E2F3: variants seen among roughly 807,000 people sequenced by gnomAD.
E2F3 encodes E2F transcription factor 3.
In E2F3, 11 loss-of-function variants were observed where a neutral mutation model predicts 44.4. The observed-to-expected ratio is 0.25, with a 90% confidence interval of 0.16 to 0.41. E2F3 has a LOEUF of 0.41. E2F3 is among the 10% of genes least tolerant of loss of function. The pLI is 1.00. For synonymous variants in E2F3, 249 were observed against 253.0 expected (o/e 0.98, Z 0.15); for missense variants, 487 against 583.6 (o/e 0.83, Z 1.70).
intron 1 of E2F3, among the ~76,000 whole-genome samples, chr6:20,464,510 G>A (rs1462993134): frequency 6.6e-6 from 1 of 152,178 alleles, no homozygotes; most frequent in African/African-American, 2.4e-5. Flanking sequence ...GTTATTTCAG[G>A]TTTCAGGGTC....
chr6:20,404,278 A>T (rs991789311), intron 1 of E2F3, among the ~76,000 whole-genome samples: 1 of 151,948 alleles, frequency 6.6e-6, no homozygotes, highest in African/African-American at 2.4e-5. Flanking sequence ...CCTTTGAGAG[A>T]TGATTTAGGT....
Position 20,481,230 on chromosome 6 carries a change from C to T in E2F3, c.530C>T (p.Thr177Met), listed in dbSNP as rs1762215229. The part of the protein sequence containing the change: ...PKTPKSPSEK[T>M]RYDTSLGLLT... ...GCTCCAAAATCTCCCTCAGAAAAAA[C>T]GCGGTATGATACGTCTCTTGGTCTG... The change falls in exon 3 of 7, where the codon ACG becomes ATG. Residue 177 changes from threonine to methionine, a missense_variant. By Grantham distance (81) the Thr-to-Met change is moderately conservative. This residue lies in a region of E2F3 where 29 missense variants were observed against 85.9 expected (regional missense o/e 0.34). Transcript: ENST00000346618. The T allele has an allele frequency of 6.2e-7, 1 of 1,613,232 alleles. No homozygotes were observed. Among genetic ancestry groups the T allele is most frequent in the African/African-American group, 1.3e-5 (1 of 74,970 alleles).
chr6:20,422,996 G>A (rs13437301), intron 1 of E2F3, among the ~76,000 whole-genome samples: 43,400 of 152,118 alleles, frequency 0.29, 8,355 homozygotes, highest in African/African-American at 0.54. Flanking sequence ...CAAACCTTCA[G>A]TTTGTAAAAC....
chr6:20,403,374 G>T (rs1014536408), intron 1 of E2F3, among the ~76,000 whole-genome samples: 4 of 151,806 alleles, frequency 2.6e-5, no homozygotes, highest in African/African-American at 9.7e-5. Flanking sequence ...CTTCCTCGCC[G>T]GGCCCCGGGC....
Position 20,482,751 on chromosome 6 carries a change from TG to T in E2F3, c.726-8del, listed in dbSNP as rs759424327. On this transcript the variant is annotated splice_polypyrimidine_tract_variant and intron_variant, in intron 3 of 6. Coordinates refer to ENST00000346618, the MANE Select transcript of E2F3 (RefSeq NM_001949.5). ...TGAGTAGCCATGAAGAGTCTGTGTT[TG>T]GGTTTCTAGGGGCTGCAGTCTGTCT... The T allele has an allele frequency of 1.1e-5, 17 of 1,589,138 alleles. No homozygotes were observed. Among genetic ancestry groups the T allele is most frequent in the Middle Eastern group, 2.2e-4 (1 of 4,628 alleles).
At chr6:20,457,348 C>CTTTTTTTTTT (rs60238519) in intron 1 of E2F3, among the ~76,000 whole-genome samples, 4 of 109,472 alleles carry the variant, frequency 3.7e-5, no homozygotes, top group Non-Finnish European at 6.9e-5. Context: ...CTTATTTTTT[C>CTTTTTTTTTT]TTTTTTTTTT....
At chr6:20,403,894 G>C in intron 1 of E2F3, 1 of 1,097,282 alleles carries the variant, frequency 9.1e-7, no homozygotes, top group Non-Finnish European at 1.3e-6. Flanking sequence ...TCTGTTGGGG[G>C]CTGAAGCGGT....
intron 1 of E2F3, among the ~76,000 whole-genome samples, chr6:20,406,197 A>G (rs1369403571): frequency 6.6e-6 from 1 of 152,202 alleles, no homozygotes; most frequent in African/African-American, 2.4e-5. Context: ...TAAAAATATG[A>G]GTACTACCTT....
chr6:20,416,951 C>T (rs1487175864), intron 1 of E2F3, among the ~76,000 whole-genome samples: 6 of 152,136 alleles, frequency 3.9e-5, no homozygotes, highest in South Asian at 2.1e-4. Flanking sequence ...CCACAGCACA[C>T]GGGACTCAGC....
At chr6:20,452,599 G>A (rs751472069) in intron 1 of E2F3, 2 of 152,122 alleles carry the variant, frequency 1.3e-5, no homozygotes, top group African/African-American at 4.8e-5. Context: ...ATATGGTTTA[G>A]ATTTGCATAC....
At chr6:20,432,751 T>C (rs1003872261) in intron 1 of E2F3, among the ~76,000 whole-genome samples, 7 of 152,114 alleles carry the variant, frequency 4.6e-5, no homozygotes, top group Admixed American at 6.6e-5. Flanking sequence ...TGTTCGACGT[T>C]TCCTCACGTA....
At chr6:20,453,120 A>G (rs1425043966) in intron 1 of E2F3, among the ~76,000 whole-genome samples, 2 of 151,856 alleles carry the variant, frequency 1.3e-5, no homozygotes, top group East Asian at 3.9e-4. Flanking sequence ...TAATAGGGAG[A>G]TTAGCTCTAA....
At chr6:20,462,867 T>C (rs1488078261) in intron 1 of E2F3, among the ~76,000 whole-genome samples, 21 of 34,646 alleles carry the variant, frequency 6.1e-4, no homozygotes, top group African/African-American at 1.2e-3. Context: ...CTCTTTTTTT[T>C]TTTTTTTTTT....
intron 3 of E2F3, among the ~76,000 whole-genome samples, 165 bp from the exon 4 acceptor site, chr6:20,482,597 A>ATATATAT (rs1554141447): frequency 1.7e-5 from 2 of 119,040 alleles, no homozygotes; most frequent in East Asian, 4.5e-4. Context: ...TATGAAAAAA[A>ATATATAT]AAATATATAT....
intron 1 of E2F3, among the ~76,000 whole-genome samples, chr6:20,408,731 CAGTG>C (rs1366927793): frequency 6.6e-6 from 1 of 152,074 alleles, no homozygotes; most frequent in Non-Finnish European, 1.5e-5. Context: ...AGGTAGAAAG[CAGTG>C]AGAATTGGCA....
intron 1 of E2F3, among the ~76,000 whole-genome samples, chr6:20,434,228 G>T (rs531793914): frequency 1.3e-5 from 2 of 152,300 alleles, no homozygotes; most frequent in African/African-American, 4.8e-5. Flanking sequence ...ATTAAAGGAA[G>T]ATAACCATGA....
At chr6:20,439,561 G>T (rs960058593) in intron 1 of E2F3, among the ~76,000 whole-genome samples, 1 of 151,954 alleles carries the variant, frequency 6.6e-6, no homozygotes, top group South Asian at 2.1e-4. Context: ...AAAGAGACAG[G>T]GTCTCTGTCA....
chr6:20,412,150 C>T (rs1175062759), intron 1 of E2F3, among the ~76,000 whole-genome samples: 1 of 152,154 alleles, frequency 6.6e-6, no homozygotes, highest in Non-Finnish European at 1.5e-5. Context: ...AAACAAGACT[C>T]ATCTAGTCCT....
rs765946550 is a variant in E2F3, at chr6:20,402,307, C to G, written c.75C>G (p.Val25=). ...TAGGGEGAAV[V]AAAAAASMDK... ...GGGGTGGGGAGGGGGCGGCTGTCGTCGCCGCCGCCGCTGCAGCCTCCATGG... is the reference window on the plus strand; with the variant it reads ...GGGGTGGGGAGGGGGCGGCTGTCGTGGCCGCCGCCGCTGCAGCCTCCATGG... The change falls in exon 1 of 7, where the codon GTC becomes GTG. Residue 25 remains valine (V), a synonymous_variant. Transcript: ENST00000346618. This position sits in a 1 kb window ranked among gnomAD's most constrained non-coding sequence, Gnocchi z 5.6. 1 of 1,606,444 alleles carries G rather than the reference C, an allele frequency of 6.2e-7. No homozygotes were observed. The highest frequency in any genetic ancestry group is 8.5e-7 in the Non-Finnish European group (1 of 1,177,912).
Sources: allele counts gnomAD v4.1 joint callset (sites outside exome capture counted in the v4.1 genomes callset), GRCh38; gene constraint gnomAD v4.1.1; regional missense constraint gnomAD v4.1.1; non-coding constraint Gnocchi (gnomAD v3.1); transcripts MANE v1.5; gene names NCBI Gene and HGNC (gene_info 2026-07-23, HGNC 2026-07-21).